The following COL14A1 variants were observed in gnomAD, a reference collection of about 807,000 sequenced individuals.
COL14A1 encodes the protein collagen type XIV alpha 1 chain.
A neutral mutation model predicts 230.3 loss-of-function variants in COL14A1; 136 were observed. The observed-to-expected ratio is 0.59, with a 90% CI of 0.51 to 0.68. The LOEUF is 0.68. COL14A1 is among the 30% of genes least tolerant of loss of function. The pLI is 0.00. For missense variants in COL14A1, 1,976 were observed against 2,215.8 expected (o/e 0.89, Z 2.17); for synonymous variants, 792 against 784.1 (o/e 1.01, Z -0.17).
rs1423527150 is a variant in COL14A1, at chr8:120,297,688, T to C, written c.4314+100T>C. ...AACATTCATATCATAGGCAACTCGT[T>C]GAGATGATAAAATTAGAAAGAGATT... On this transcript the variant is annotated intron_variant, in intron 35 of 47. Transcript: ENST00000297848. 5 of 561,272 alleles carry C rather than the reference T, an allele frequency of 8.9e-6. No individual in the cohort carries two copies. In the East Asian group the frequency reaches 1.7e-4, roughly 20 times the overall value. 34.8% of individuals were successfully genotyped at this position (561,272 alleles called of 1,614,324 possible).
intron 45 of COL14A1, among the ~76,000 whole-genome samples, chr8:120,365,006 AT>A (rs1260302817): frequency 2.2e-5 from 3 of 139,052 alleles, no homozygotes; most frequent in Admixed American, 7.0e-5. Context: ...AAGGGCTGGA[AT>A]TTTTTTTTAA....
At chr8:120,307,472 T>G (rs570239023) in intron 36 of COL14A1, among the ~76,000 whole-genome samples, 2 of 152,304 alleles carry the variant, frequency 1.3e-5, no homozygotes, top group East Asian at 3.9e-4. Context: ...TCCACGATGT[T>G]CACACAACGA....
At chr8:120,131,492 C>T (rs1175464441) in intron 1 of COL14A1, among the ~76,000 whole-genome samples, 2 of 151,726 alleles carry the variant, frequency 1.3e-5, no homozygotes, top group East Asian at 1.9e-4. Context: ...TGTTTGTTGG[C>T]TGCTTGTATG....
At chr8:120,152,876 G>T (rs1232072443) in intron 2 of COL14A1, among the ~76,000 whole-genome samples, 4 of 152,178 alleles carry the variant, frequency 2.6e-5, no homozygotes, top group Non-Finnish European at 4.4e-5. Context: ...TCGACGCATA[G>T]AAAATTGGAG....
At chr8:120,157,810 C>A (rs1815529268) in intron 2 of COL14A1, among the ~76,000 whole-genome samples, 1 of 151,748 alleles carries the variant, frequency 6.6e-6, no homozygotes, top group Non-Finnish European at 1.5e-5. Context: ...ATGGTGAAAC[C>A]CCGTCTCTAC....
chr8:120,365,417 C>G (rs899344920), intron 45 of COL14A1, among the ~76,000 whole-genome samples: 1 of 152,136 alleles, frequency 6.6e-6, no homozygotes, highest in Non-Finnish European at 1.5e-5. Flanking sequence ...TAGTTGTTCC[C>G]TGTTGGCAAA....
At chr8:120,351,561 C>G (rs1183610397) in intron 45 of COL14A1, among the ~76,000 whole-genome samples, 1 of 125,360 alleles carries the variant, frequency 8.0e-6, no homozygotes, top group East Asian at 2.3e-4. Flanking sequence ...GGGATATCAC[C>G]ACCGATCCCA....
In COL14A1 at chr8:120,199,414, A is replaced by T; in HGVS notation, c.725A>T (p.Asn242Ile). The part of the protein sequence containing the change: ...GGNTLTGLAL[N>I]YIFENSFKPE... The stretch of plus-strand genomic sequence containing the variant: ...TGTTTTCTCCAAGGTCTTGCTTTGA[A>T]CTACATTTTTGAAAATAGCTTCAAA... Residue 242 changes from asparagine (N) to isoleucine (I), a missense_variant, in exon 8 of 48, where the codon AAC becomes ATC. Asn to Ile is a moderately radical substitution (Grantham distance 149, BLOSUM62 -3). Transcript: ENST00000297848. 6 of 1,600,746 alleles carry T rather than the reference A, an allele frequency of 3.7e-6. No homozygotes were observed. The highest frequency in any genetic ancestry group is 5.1e-6 in the Non-Finnish European group (6 of 1,176,020).
At chr8:120,190,557 G>T (rs1476351648) in intron 5 of COL14A1, among the ~76,000 whole-genome samples, 2 of 152,112 alleles carry the variant, frequency 1.3e-5, no homozygotes, top group African/African-American at 4.8e-5. Flanking sequence ...TGAAGTCCTT[G>T]CCCATGCCTG....
At chr8:120,220,279 T>TTC in intron 14 of COL14A1, among the ~76,000 whole-genome samples, 1 of 149,032 alleles carries the variant, frequency 6.7e-6, no homozygotes, top group South Asian at 2.1e-4. Flanking sequence ...TGCAATTGAT[T>TTC]TTTTTTTTTT....
At chr8:120,209,382 G>T (rs1265933845) in intron 11 of COL14A1, among the ~76,000 whole-genome samples, 4 of 151,870 alleles carry the variant, frequency 2.6e-5, no homozygotes, top group African/African-American at 9.7e-5. Context: ...ATAAATAAAA[G>T]AAAAAGGATG....
At chr8:120,213,854 G>A (rs1434123136) in intron 13 of COL14A1, 2 of 335,110 alleles carry the variant, frequency 6.0e-6, no homozygotes, top group Non-Finnish European at 5.7e-6. Flanking sequence ...AAATGTAATA[G>A]AATTCCAGAA....
chr8:120,223,602 G>A lies in COL14A1; in HGVS notation c.1738-1486G>A, dbSNP rs56771259. Among the ~76,000 whole-genome samples, 110 of 152,230 alleles carry A rather than the reference G, an allele frequency of 7.2e-4. 1 individual carries two copies. The highest frequency in any genetic ancestry group is 2.4e-3 in the African/African-American group (101 of 41,536). Reference sequence around the variant, plus strand: ...AGAGAATAGCTTGAAACCTGGAGGCGGAGGTTGCAGTGAGCCAAGATCGTG... The same window carrying A: ...AGAGAATAGCTTGAAACCTGGAGGCAGAGGTTGCAGTGAGCCAAGATCGTG... On this transcript the variant is annotated intron_variant, in intron 14 of 47. Transcript: ENST00000297848.
At chr8:120,200,718 TATA>T (rs1817213277) in intron 8 of COL14A1, among the ~76,000 whole-genome samples, 1 of 5,378 alleles carries the variant, frequency 1.9e-4, no homozygotes, top group East Asian at 9.8e-3. Flanking sequence ...TTCCTATTTA[TATA>T]TATATATATA....
intron 42 of COL14A1, among the ~76,000 whole-genome samples, chr8:120,335,841 A>C (rs538178576): frequency 2.0e-5 from 3 of 152,336 alleles, no homozygotes; most frequent in Non-Finnish European, 1.5e-5. Context: ...AAGCACACGA[A>C]CGAAGGAGCT....
chr8:120,319,326 T>G (rs990452748), intron 40 of COL14A1, among the ~76,000 whole-genome samples: 7 of 151,706 alleles, frequency 4.6e-5, no homozygotes, highest in Non-Finnish European at 5.9e-5. Context: ...CTGGCTAATT[T>G]TTTTATTTTA....
intron 21 of COL14A1, among the ~76,000 whole-genome samples, chr8:120,249,198 G>A (rs112477155): frequency 1.9e-3 from 294 of 151,276 alleles, no homozygotes; most frequent in African/African-American, 6.8e-3. Context: ...GATTACAAGC[G>A]TGAGCCACCG....
Position 120,196,965 on chromosome 8 carries a change from G to A in COL14A1, c.592+19G>A. The stretch of plus-strand genomic sequence containing the variant: ...CGAATTGGTATAATTTCTATTATTA[G>A]CAGTAGCAGTCAGTTGTCAGTGCAA... On this transcript the variant is annotated intron_variant, in intron 6 of 47. Coordinates refer to ENST00000297848, the MANE Select transcript of COL14A1 (RefSeq NM_021110.4). 6.2e-7 allele frequency: 1 copy of A among 1,611,552 alleles called. No homozygotes were observed. The highest frequency in any genetic ancestry group is 8.5e-7 in the Non-Finnish European group (1 of 1,178,690).
chr8:120,184,223 A>AAATT (rs1563657177), intron 5 of COL14A1, among the ~76,000 whole-genome samples: 1 of 104,262 alleles, frequency 9.6e-6, no homozygotes, highest in Non-Finnish European at 2.0e-5. Context: ...GGGGGGGAAG[A>AAATT]GATTTATTTA....
Sources: allele counts gnomAD v4.1 joint callset (sites outside exome capture counted in the v4.1 genomes callset), GRCh38; gene constraint gnomAD v4.1.1; transcripts MANE v1.5; gene names NCBI Gene and HGNC (gene_info 2026-07-23, HGNC 2026-07-21).